SUGCT: variants seen among roughly 807,000 people sequenced by gnomAD.
SUGCT encodes succinyl-CoA:glutarate-CoA transferase, also known as succinyl-CoA:glutarate CoA-transferase.
SUGCT carries 41 observed loss-of-function variants against 55.0 expected under a neutral mutation model. That is an observed-to-expected ratio of 0.74 (90% CI 0.58 to 0.97). The LOEUF is 0.97. Among genes scored for constraint, SUGCT ranks in the 50% least tolerant of loss-of-function variants. The pLI is 0.00. For missense variants in SUGCT, 568 were observed against 547.8 expected, an observed-to-expected ratio of 1.04 and a Z score of -0.37; for synonymous variants, 187 against 200.4, an observed-to-expected ratio of 0.93 and a Z score of 0.56.
intron 12 of SUGCT, among the ~76,000 whole-genome samples, chr7:40,523,250 T>A (rs763353835): frequency 1.1e-4 from 16 of 152,092 alleles, no homozygotes; most frequent in Non-Finnish European, 2.4e-4. Flanking sequence ...ATGAATTTTA[T>A]CTAACATGCA....
chr7:40,284,092 AG>A (rs1181682666), intron 8 of SUGCT, among the ~76,000 whole-genome samples: 1 of 147,508 alleles, frequency 6.8e-6, no homozygotes, highest in African/African-American at 2.5e-5. Context: ...AATCTGAAAA[AG>A]TTGAACTCAT....
intron 9 of SUGCT, among the ~76,000 whole-genome samples, chr7:40,384,188 T>G (rs1467067588): frequency 6.6e-6 from 1 of 152,142 alleles, no homozygotes; most frequent in East Asian, 1.9e-4. Context: ...AACAAACTAC[T>G]GGCAGTTGTT....
At chr7:40,979,029 G>A in the SUGCT span, among the ~76,000 whole-genome samples, 1 of 152,124 alleles carries the variant, frequency 6.6e-6, no homozygotes, top group Non-Finnish European at 1.5e-5. Context: ...GTACCTTCCT[G>A]ATTGGGAGTT....
At position 40,516,400 on chromosome 7, in the gene SUGCT, C is replaced by A. The variant is rs370660007; in HGVS notation, c.1089+20014C>A. ...ATTACTTGTGCTTTTGGTATCATATCCAAGAAACTATTGCCTAATCTGAGG... is the reference window on the plus strand; with the variant it reads ...ATTACTTGTGCTTTTGGTATCATATACAAGAAACTATTGCCTAATCTGAGG... On this transcript the variant is annotated intron_variant, in intron 12 of 13. Transcript: ENST00000335693. 9.9e-4 allele frequency among the ~76,000 whole-genome samples: 151 copies of A among 152,202 alleles called. 1 individual carries two copies. The highest frequency in any genetic ancestry group is 3.4e-3 in the African/African-American group (141 of 41,542).
chr7:41,036,180 A>G, the SUGCT span, among the ~76,000 whole-genome samples: 62 of 152,284 alleles, frequency 4.1e-4, no homozygotes, highest in Middle Eastern at 3.4e-3. Context: ...GGGTGCAATA[A>G]TGAGTGGATG....
intron 13 of SUGCT, among the ~76,000 whole-genome samples, chr7:40,844,581 T>A (rs1366755641): frequency 6.6e-6 from 1 of 152,130 alleles, no homozygotes; most frequent in Non-Finnish European, 1.5e-5. Flanking sequence ...GAGCTTGGGG[T>A]TTTTATGGGT....
chr7:40,205,060 C>G (rs1562575320), intron 6 of SUGCT, among the ~76,000 whole-genome samples: 2 of 151,962 alleles, frequency 1.3e-5, no homozygotes, highest in Admixed American at 6.6e-5. Context: ...TCGAGACCAG[C>G]CTGGCCAACA....
chr7:40,893,006 A>T, the SUGCT span, among the ~76,000 whole-genome samples: 1 of 152,290 alleles, frequency 6.6e-6, no homozygotes, highest in South Asian at 2.1e-4. Flanking sequence ...ACCAAAAGGG[A>T]GCAGGAGTGG....
intron 12 of SUGCT, among the ~76,000 whole-genome samples, chr7:40,514,251 A>G (rs1249673805): frequency 6.6e-6 from 1 of 152,014 alleles, no homozygotes; most frequent in Non-Finnish European, 1.5e-5. Context: ...TAGAGTCACC[A>G]CAGCTCAGTT....
chr7:40,180,800 T>G, intron 1 of SUGCT, 147 bp from the exon 2 acceptor site: 2 of 612,428 alleles, frequency 3.3e-6, no homozygotes, highest in East Asian at 5.8e-5. Flanking sequence ...GCTTCCAGTA[T>G]TCTTTACTAG....
intron 13 of SUGCT, among the ~76,000 whole-genome samples, chr7:40,783,853 T>G (rs1283660111): frequency 6.6e-6 from 1 of 152,184 alleles, no homozygotes; most frequent in African/African-American, 2.4e-5. Context: ...GGTTTACTCT[T>G]CCAGTAGGTT....
the SUGCT span, among the ~76,000 whole-genome samples, chr7:41,031,645 A>G: frequency 6.6e-6 from 1 of 152,106 alleles, no homozygotes; most frequent in African/African-American, 2.4e-5. Flanking sequence ...TATATTTCAG[A>G]TATTCTGAAC....
At chr7:40,179,507 T>C (rs1785081314) in intron 1 of SUGCT, among the ~76,000 whole-genome samples, 1 of 152,182 alleles carries the variant, frequency 6.6e-6, no homozygotes, top group African/African-American at 2.4e-5. Context: ...GGTCTGGAAC[T>C]CCTGACCTCA....
At chr7:40,747,898 C>G (rs890967538) in intron 12 of SUGCT, among the ~76,000 whole-genome samples, 1 of 152,160 alleles carries the variant, frequency 6.6e-6, no homozygotes, top group Non-Finnish European at 1.5e-5. Flanking sequence ...CTCAGCCCAT[C>G]CACCACCTTT....
chr7:40,226,453 C>T (rs1275273741), intron 6 of SUGCT, among the ~76,000 whole-genome samples: 1 of 152,128 alleles, frequency 6.6e-6, no homozygotes, highest in Non-Finnish European at 1.5e-5. Flanking sequence ...TTAGTTCTCA[C>T]AAGGGTACTG....
intron 7 of SUGCT, among the ~76,000 whole-genome samples, chr7:40,244,147 T>C (rs1355356047): frequency 6.6e-6 from 1 of 152,206 alleles, no homozygotes; most frequent in Non-Finnish European, 1.5e-5. Flanking sequence ...CACTCCAGCC[T>C]GGGTGACTGA....
intron 9 of SUGCT, among the ~76,000 whole-genome samples, chr7:40,345,881 GA>G (rs1008266452): frequency 6.6e-6 from 1 of 151,256 alleles, no homozygotes; most frequent in African/African-American, 2.4e-5. Flanking sequence ...TTTTATATAG[GA>G]CTTTTACATC....
At chr7:40,369,783 A>G (rs958251319) in intron 9 of SUGCT, among the ~76,000 whole-genome samples, 3 of 152,186 alleles carry the variant, frequency 2.0e-5, no homozygotes, top group Non-Finnish European at 2.9e-5. Context: ...TAGGAGTCCA[A>G]GCAAAGTTTA....
chr7:40,683,023 G>A (rs557013726), intron 12 of SUGCT, among the ~76,000 whole-genome samples: 1 of 151,670 alleles, frequency 6.6e-6, no homozygotes, highest in Admixed American at 6.6e-5. Context: ...GGATTCCTTT[G>A]CATTTTTTTA....
Sources: allele counts gnomAD v4.1 joint callset (sites outside exome capture counted in the v4.1 genomes callset), GRCh38; gene constraint gnomAD v4.1.1; transcripts MANE v1.5; gene names NCBI Gene and HGNC (gene_info 2026-07-23, HGNC 2026-07-21).